Variants in SYNPR observed in about 807,000 individuals in gnomAD.
SYNPR encodes the protein synaptoporin.
Under a neutral mutation model 32.9 loss-of-function variants are expected in SYNPR, and 23 were observed. The observed-to-expected ratio is 0.70, with a 90% CI of 0.50 to 0.99. SYNPR has a LOEUF of 0.99. Ranked by LOEUF, SYNPR falls within the 50% of genes least tolerant of loss-of-function variation. The pLI is 0.00. For synonymous variants in SYNPR, 146 were observed against 135.9 expected, an observed-to-expected ratio of 1.07 and a Z score of -0.52; for missense variants, 318 against 349.3, an observed-to-expected ratio of 0.91 and a Z score of 0.71.
intron 2 of SYNPR, among the ~76,000 whole-genome samples, chr3:63,456,130 CACA>C (rs920222437): frequency 3.9e-5 from 6 of 152,002 alleles, no homozygotes; most frequent in Admixed American, 3.3e-4. Context: ...TATTCACTAT[CACA>C]AGAACAGCAG....
intron 2 of SYNPR, among the ~76,000 whole-genome samples, chr3:63,303,430 T>C (rs2086877743): frequency 6.6e-6 from 1 of 151,972 alleles, no homozygotes. Flanking sequence ...AATGAACACG[T>C]CAGTACCTGC....
At chr3:63,428,015 G>C (rs549968209) in intron 2 of SYNPR, among the ~76,000 whole-genome samples, 2 of 152,194 alleles carry the variant, frequency 1.3e-5, no homozygotes, top group Admixed American at 6.5e-5. Flanking sequence ...TGTATTTTCT[G>C]TCTGCTCATT....
chr3:63,201,318 G>C, the SYNPR span, among the ~76,000 whole-genome samples: 233 of 152,286 alleles, frequency 1.5e-3, no homozygotes, highest in Non-Finnish European at 2.6e-3. Context: ...CTAGCTCAAA[G>C]TCATTCTGGG....
At chr3:63,235,970 A>AT (rs1185305827) in intron 1 of SYNPR, among the ~76,000 whole-genome samples, 6 of 151,118 alleles carry the variant, frequency 4.0e-5, no homozygotes, top group Admixed American at 1.3e-4. Context: ...ATTTTCTTAT[A>AT]TTTTTTTCCA....
chr3:63,534,342 G>GA (rs1420717904), intron 3 of SYNPR, among the ~76,000 whole-genome samples: 8 of 152,072 alleles, frequency 5.3e-5, no homozygotes, highest in Admixed American at 2.6e-4. Context: ...ATAGCTAGAA[G>GA]AAAAAATGAA....
At chr3:63,277,241 GAAT>G (rs2086583212), upstream of SYNPR, among the ~76,000 whole-genome samples, 1 of 152,100 alleles carries the variant, frequency 6.6e-6, no homozygotes, top group Non-Finnish European at 1.5e-5. Context: ...TCTAAAATGG[GAAT>G]AATATTATTA....
At chr3:63,535,708 T>G (rs1464981045) in intron 3 of SYNPR, among the ~76,000 whole-genome samples, 1 of 149,312 alleles carries the variant, frequency 6.7e-6, no homozygotes, top group Non-Finnish European at 1.5e-5. Context: ...CAAAAGGTGC[T>G]GAGACAACTG....
chr3:63,427,394 TA>T, intron 2 of SYNPR: 1 of 152,318 alleles, frequency 6.6e-6, no homozygotes, highest in East Asian at 1.9e-4. Context: ...TTCCCCAGTG[TA>T]TAAAGTATGT....
At chr3:63,283,239 A>G (rs1327506962) in intron 2 of SYNPR, among the ~76,000 whole-genome samples, 2 of 152,110 alleles carry the variant, frequency 1.3e-5, no homozygotes, top group East Asian at 1.9e-4. Flanking sequence ...TAGCCTGGGG[A>G]AAAAATCCAC....
intron 1 of SYNPR, among the ~76,000 whole-genome samples, chr3:63,237,139 C>T (rs1006300427): frequency 9.2e-5 from 14 of 152,020 alleles, no homozygotes; most frequent in Middle Eastern, 3.4e-3. Context: ...TTTTCTATGT[C>T]AATTCATACG....
intron 3 of SYNPR, among the ~76,000 whole-genome samples, chr3:63,270,056 C>T (rs1452355934): frequency 6.6e-6 from 1 of 152,052 alleles, no homozygotes; most frequent in Non-Finnish European, 1.5e-5. Flanking sequence ...ATACAAAGAG[C>T]ATAGGATAAA....
intron 2 of SYNPR, among the ~76,000 whole-genome samples, chr3:63,254,816 T>C (rs371702608): frequency 3.3e-5 from 5 of 152,142 alleles, no homozygotes; most frequent in African/African-American, 1.2e-4. Flanking sequence ...AATTTACATA[T>C]AATTAAGTTA....
intron 3 of SYNPR, among the ~76,000 whole-genome samples, chr3:63,490,234 C>G (rs1322790361): frequency 6.6e-6 from 1 of 151,892 alleles, no homozygotes; most frequent in African/African-American, 2.4e-5. Flanking sequence ...GTCTGAGAAC[C>G]AGCAAAGAAA....
chr3:63,418,514 T>C (rs532709951), intron 2 of SYNPR, among the ~76,000 whole-genome samples: 1 of 152,260 alleles, frequency 6.6e-6, no homozygotes, highest in East Asian at 1.9e-4. Context: ...TAATTTACTG[T>C]ATTATTCTGT....
chr3:63,416,753 G>A (rs2088546851), intron 2 of SYNPR, among the ~76,000 whole-genome samples: 1 of 152,046 alleles, frequency 6.6e-6, no homozygotes. Context: ...GATGGCAGCA[G>A]GCAAAGAGCT....
chr3:63,565,251 C>G lies in SYNPR; in HGVS notation c.408+8510C>G, dbSNP rs540519939. Reference sequence around the variant, plus strand: ...TGACAATTTTGCCCCTGACTCAACCCCCTGCCGCTGTCTTAAGTTTGTCTT... The same window carrying G: ...TGACAATTTTGCCCCTGACTCAACCGCCTGCCGCTGTCTTAAGTTTGTCTT... On this transcript the variant is annotated intron_variant, in intron 4 of 5. Transcript: ENST00000478300. Among the ~76,000 whole-genome samples, 58 of 152,148 alleles carry G rather than the reference C, an allele frequency of 3.8e-4. 1 individual carries two copies. The South Asian group carries it at 0.01, about 27-fold the overall frequency.
chr3:63,581,168 A>G (rs1390439), intron 4 of SYNPR, among the ~76,000 whole-genome samples: 44,356 of 151,814 alleles, frequency 0.29, 7,039 homozygotes, highest in South Asian at 0.44. Context: ...CCTGAACACA[A>G]TCAGAAAAGC....
At chr3:63,459,823 C>G (rs770373225) in intron 2 of SYNPR, among the ~76,000 whole-genome samples, 1 of 152,028 alleles carries the variant, frequency 6.6e-6, no homozygotes, top group Non-Finnish European at 1.5e-5. Context: ...ACTGACAAAA[C>G]GATTTCTATT....
intron 2 of SYNPR, among the ~76,000 whole-genome samples, chr3:63,464,894 C>T (rs1448055501): frequency 1.3e-5 from 2 of 152,112 alleles, no homozygotes; most frequent in Non-Finnish European, 2.9e-5. Flanking sequence ...AAAGGTGACT[C>T]TGTCTTTTAG....
Sources: gnomAD v4.1 joint callset for allele counts (sites outside exome capture counted in the v4.1 genomes callset) on GRCh38, gnomAD v4.1.1 for gene constraint, MANE v1.5 for transcripts, NCBI Gene and HGNC (gene_info 2026-07-23, HGNC 2026-07-21) for gene names.